Variants in NFAT5 observed in about 807,000 individuals in gnomAD.
NFAT5 encodes nuclear factor of activated T cells 5.
NFAT5 carries 31 observed loss-of-function variants against 166.5 expected under a neutral mutation model. The observed-to-expected ratio is 0.19, with a 90% CI of 0.14 to 0.25. The LOEUF is 0.25. NFAT5 is among the 10% of genes least tolerant of loss of function. The pLI, the probability that NFAT5 is intolerant of heterozygous loss-of-function variation, is 1.00. For synonymous variants in NFAT5, 612 were observed against 639.7 expected, an observed-to-expected ratio of 0.96 and a Z score of 0.65; for missense variants, 1,449 against 1,821.8, an observed-to-expected ratio of 0.80 and a Z score of 3.72.
At chr16:69,610,938 A>G (rs2033678451) in intron 2 of NFAT5, among the ~76,000 whole-genome samples, 1 of 152,062 alleles carries the variant, frequency 6.6e-6, no homozygotes, top group African/African-American at 2.4e-5. Context: ...ACCTCACTGG[A>G]CTGAAAGCTT....
At chr16:69,568,962 GTTAA>G (rs1469450326) in intron 2 of NFAT5, among the ~76,000 whole-genome samples, 4 of 152,166 alleles carry the variant, frequency 2.6e-5, no homozygotes, top group Non-Finnish European at 5.9e-5. Flanking sequence ...TTCAAAATAT[GTTAA>G]TTATTTATTG....
At chr16:69,688,309 AAATG>A (rs898237727) in intron 11 of NFAT5, among the ~76,000 whole-genome samples, 4 of 151,648 alleles carry the variant, frequency 2.6e-5, no homozygotes, top group South Asian at 4.1e-4. Context: ...ATGAGTGAGT[AAATG>A]AATGAATGAA....
intron 11 of NFAT5, among the ~76,000 whole-genome samples, chr16:69,688,225 AAC>A (rs1337556245): frequency 4.1e-5 from 6 of 144,706 alleles, no homozygotes; most frequent in Non-Finnish European, 7.5e-5. Flanking sequence ...AAAAAAAAAA[AAC>A]CAGGAGTTTG....
chr16:69,570,395 AT>A (rs1316482158), intron 2 of NFAT5, among the ~76,000 whole-genome samples: 4 of 152,054 alleles, frequency 2.6e-5, no homozygotes, highest in Non-Finnish European at 4.4e-5. Context: ...AGTAGAGAGA[AT>A]AAAATAAGCC....
At chr16:69,628,071 G>A (rs916527095) in intron 3 of NFAT5, among the ~76,000 whole-genome samples, 2 of 151,938 alleles carry the variant, frequency 1.3e-5, no homozygotes, top group African/African-American at 4.8e-5. Flanking sequence ...TCTGTTGACG[G>A]TAGATCCAGT....
At chr16:69,691,331 TTTTA>T (rs1195443234) in intron 12 of NFAT5, among the ~76,000 whole-genome samples, 2 of 152,146 alleles carry the variant, frequency 1.3e-5, no homozygotes, top group Non-Finnish European at 1.5e-5. Context: ...TTAGAGATGT[TTTTA>T]TTTTTTTCCC....
chr16:69,634,296 AAAAT>A (rs1433110133), intron 3 of NFAT5, among the ~76,000 whole-genome samples: 1 of 151,908 alleles, frequency 6.6e-6, no homozygotes, highest in Non-Finnish European at 1.5e-5. Flanking sequence ...AAAAAAAAAA[AAAAT>A]CATACATAGT....
chr16:69,568,176 C>A (rs1359733228), intron 1 of NFAT5, among the ~76,000 whole-genome samples: 1 of 151,940 alleles, frequency 6.6e-6, no homozygotes, highest in African/African-American at 2.4e-5. Context: ...CAAAATTAGC[C>A]GGGCGTGGTG....
chr16:69,686,037 C>G (rs1244085275), intron 11 of NFAT5: 2 of 148,152 alleles, frequency 1.3e-5, no homozygotes, highest in African/African-American at 2.5e-5. Flanking sequence ...AAGAGCAAAA[C>G]TATCTCCAAA....
chr16:69,619,225 GA>G (rs2034092603), intron 2 of NFAT5, among the ~76,000 whole-genome samples: 1 of 152,216 alleles, frequency 6.6e-6, no homozygotes, highest in Non-Finnish European at 1.5e-5. Context: ...AGGTAGGGAT[GA>G]AAATTCTAAG....
At chr16:69,642,297 C>T (rs1026216182) in intron 3 of NFAT5, among the ~76,000 whole-genome samples, 4 of 152,108 alleles carry the variant, frequency 2.6e-5, no homozygotes, top group Admixed American at 6.5e-5. Context: ...AGTTCACCAT[C>T]GTTACTGGCA....
chr16:69,692,484 C>T lies in NFAT5; in HGVS notation c.2659C>T (p.His887Tyr). The T allele has an allele frequency of 6.2e-7, 1 of 1,614,164 alleles. No individual in the cohort carries two copies. The highest frequency in any genetic ancestry group is 1.3e-5 in the African/African-American group (1 of 75,038). The stretch of plus-strand genomic sequence containing the variant: ...ATTACCTGGAAGAGCTGAAAGTGTT[C>T]ATCCACAGTCTGAAAACACGTTATC... ...NLLPGRAESV[H>Y]PQSENTLSNQ... Residue 887 changes from histidine to tyrosine, a missense_variant, in exon 13 of 15, where the codon CAT (histidine) becomes TAT (tyrosine). Coordinates refer to ENST00000349945, the MANE Select transcript of NFAT5 (RefSeq NM_138713.4).
chr16:69,597,882 C>T (rs1477084013), intron 2 of NFAT5, among the ~76,000 whole-genome samples: 1 of 152,010 alleles, frequency 6.6e-6, no homozygotes, highest in East Asian at 1.9e-4. Context: ...CGTGAGCCAC[C>T]ACGCCCAGCC....
At chr16:69,648,158 A>G (rs1597466380) in intron 4 of NFAT5, 1 of 948,768 alleles carries the variant, frequency 1.1e-6, no homozygotes, top group South Asian at 4.9e-5. Context: ...CCTGGGCGAC[A>G]AGAGCGAAAC....
chr16:69,605,048 T>C (rs537218349), intron 2 of NFAT5, among the ~76,000 whole-genome samples: 1 of 152,354 alleles, frequency 6.6e-6, no homozygotes, highest in Non-Finnish European at 1.5e-5. Context: ...TTTGTTTGAC[T>C]ACCAATTTTT....
chr16:69,660,668 A>T (rs1476707952), intron 7 of NFAT5, among the ~76,000 whole-genome samples: 4 of 152,186 alleles, frequency 2.6e-5, no homozygotes, highest in Non-Finnish European at 5.9e-5. Context: ...CTTGACATGG[A>T]TAGAAAATGA....
chr16:69,691,004 A>G lies in NFAT5; in HGVS notation c.1839A>G (p.Pro613=), dbSNP rs140085549. 6.3e-5 allele frequency: 102 copies of G among 1,609,576 alleles called. No homozygotes were observed. The African/African-American group carries it at 1.1e-3, about 18-fold the overall frequency. Residue 613 remains proline (P), a synonymous_variant, in exon 12 of 15, where the codon CCA becomes CCG. Coordinates refer to ENST00000349945, the MANE Select transcript of NFAT5 (RefSeq NM_138713.4). Reference sequence around the variant, plus strand: ...TTATCCCTAATGCCCTGATGACTCCACTCATACCAAGCAGTATGATTAAGA... The same window carrying G: ...TTATCCCTAATGCCCTGATGACTCCGCTCATACCAAGCAGTATGATTAAGA... ...VNIIPNALMT[P]LIPSSMIKSE...
At chr16:69,660,117 A>G (rs1309901330) in intron 7 of NFAT5, among the ~76,000 whole-genome samples, 2 of 152,188 alleles carry the variant, frequency 1.3e-5, no homozygotes, top group Non-Finnish European at 2.9e-5. Flanking sequence ...GTAGTTTCCT[A>G]TTATCATAAT....
chr16:69,600,854 A>C (rs12596823), intron 2 of NFAT5, among the ~76,000 whole-genome samples: 37,813 of 151,654 alleles, frequency 0.25, 5,098 homozygotes, highest in East Asian at 0.45. Flanking sequence ...TTCTCTATCA[A>C]AACTTAGAAG....
Sources: allele counts gnomAD v4.1 joint callset (sites outside exome capture counted in the v4.1 genomes callset), GRCh38; gene constraint gnomAD v4.1.1; transcripts MANE v1.5; gene names NCBI Gene and HGNC (gene_info 2026-07-23, HGNC 2026-07-21).